The following KLRC1 variants were observed in gnomAD, a reference collection of about 807,000 sequenced individuals.
The protein encoded by KLRC1 is killer cell lectin like receptor C1, also known as NKG2-A/NKG2-B type II integral membrane protein.
KLRC1 carries 22 observed loss-of-function variants against 25.9 expected under a neutral mutation model. That is an observed-to-expected ratio of 0.85 (90% CI 0.61 to 1.21). KLRC1 has a LOEUF of 1.21. Ranked by LOEUF, KLRC1 falls within the 50% of genes most tolerant of loss-of-function variation. The pLI is 0.00. For synonymous variants in KLRC1, 77 were observed against 93.1 expected (o/e 0.83, Z 0.99); for missense variants, 240 against 272.2 (o/e 0.88, Z 0.83).
In KLRC1 at chr12:10,446,510, T is replaced by C; in HGVS notation, c.*41A>G. 3 of 1,561,314 alleles carry C rather than the reference T, an allele frequency of 1.9e-6. No individual in the cohort carries two copies. Among genetic ancestry groups the C allele is most frequent in the East Asian group, 2.3e-5 (1 of 44,342 alleles). ...TAATATATTTCTATTTTAAGAAATA[T>C]ACAATTTATCTGATGCACTGCAAAT... On this transcript the variant is annotated 3_prime_UTR_variant, in exon 7 of 7. Transcript: ENST00000359151.
chr12:10,451,087 G>C lies in KLRC1; in HGVS notation c.70C>G (p.Pro24Ala). ...AAAATGGAGTTTTTATTGCCTTTAGGTTTTCGTTGCTGCCTCTTTGGGTTT... is the reference window on the plus strand; with the variant it reads ...AAAATGGAGTTTTTATTGCCTTTAGCTTTTCGTTGCTGCCTCTTTGGGTTT... ...PPNPKRQQRKPKGNKNSILAT... is the reference protein window; with the variant it reads ...PPNPKRQQRKAKGNKNSILAT... The change falls in exon 2 of 7, where the codon CCT (proline) becomes GCT (alanine). Residue 24 changes from proline to alanine, a missense_variant. Pro to Ala is a conservative substitution (Grantham distance 27, BLOSUM62 -1). Transcript: ENST00000359151. The C allele has an allele frequency of 6.2e-7, 1 of 1,613,916 alleles. No individual in the cohort carries two copies.
chr12:10,450,698 C>G, intron 2 of KLRC1, 119 bp from the exon 3 acceptor site: 1 of 669,730 alleles, frequency 1.5e-6, no homozygotes, highest in Middle Eastern at 2.5e-4. Flanking sequence ...GACCCCAAAC[C>G]CTCATCTCCC....
chr12:10,446,826 C>G (rs144548572), intron 6 of KLRC1, among the ~76,000 whole-genome samples, 164 bp from the exon 7 acceptor site: 13,148 of 152,136 alleles, frequency 0.086, 817 homozygotes, highest in Non-Finnish European at 0.13. Flanking sequence ...CAGAGTAGTC[C>G]CCCTTCATCC....
chr12:10,450,179 T>G (rs1181059200), intron 3 of KLRC1: 1 of 441,416 alleles, frequency 2.3e-6, no homozygotes, highest in African/African-American at 2.1e-5. Context: ...CATATAGTTC[T>G]TATAATTCTT....
intron 5 of KLRC1, among the ~76,000 whole-genome samples, chr12:10,448,583 C>T (rs1864046221): frequency 6.6e-6 from 1 of 152,156 alleles, no homozygotes; most frequent in South Asian, 2.1e-4. Flanking sequence ...CTCTTTGTCC[C>T]TGAGGGCATG....
At chr12:10,445,418 G>C (rs995034301), downstream of KLRC1, among the ~76,000 whole-genome samples, 1 of 152,036 alleles carries the variant, frequency 6.6e-6, no homozygotes, top group Non-Finnish European at 1.5e-5. Context: ...TTATAAAACT[G>C]CTTCGATATG....
intron 3 of KLRC1, 155 bp downstream of exon 3, chr12:10,450,329 T>C: frequency 1.9e-6 from 1 of 532,296 alleles, no homozygotes; most frequent in Non-Finnish European, 3.3e-6. Context: ...TATTCTTTCA[T>C]TTATTCTTTG....
chr12:10,450,864 T>C, intron 2 of KLRC1, 106 bp downstream of exon 2: 1 of 849,224 alleles, frequency 1.2e-6, no homozygotes. Context: ...AATTCTGATC[T>C]TTGCAAATAG....
chr12:10,451,711 G>A (rs1313009098), intron 1 of KLRC1, among the ~76,000 whole-genome samples: 1 of 152,034 alleles, frequency 6.6e-6, no homozygotes, highest in African/African-American at 2.4e-5. Context: ...GGGGCAATGA[G>A]AAGCAATAAA....
At chr12:10,450,322 T>G (rs1286190310) in intron 3 of KLRC1, 162 bp downstream of exon 3, 2 of 527,604 alleles carry the variant, frequency 3.8e-6, no homozygotes, top group Non-Finnish European at 3.3e-6. Flanking sequence ...CAACAATTAT[T>G]CTTTCATTTA....
chr12:10,445,945 A>T (rs1050103467), downstream of KLRC1: 1 of 152,114 alleles, frequency 6.6e-6, no homozygotes, highest in Admixed American at 6.5e-5. Context: ...TATATTGATT[A>T]GAAAAGTCAA....
At chr12:10,448,917 C>T (rs1242071478) in intron 5 of KLRC1, among the ~76,000 whole-genome samples, 1 of 152,152 alleles carries the variant, frequency 6.6e-6, no homozygotes, top group Non-Finnish European at 1.5e-5. Flanking sequence ...TGACTTGTAT[C>T]ACAGGAGTTC....
At chr12:10,450,672 C>A in intron 2 of KLRC1, 93 bp from the exon 3 acceptor site, 1 of 783,436 alleles carries the variant, frequency 1.3e-6, no homozygotes, top group Non-Finnish European at 2.1e-6. Context: ...GCACAGGAAT[C>A]ATACAGAGAA....
downstream of KLRC1, among the ~76,000 whole-genome samples, chr12:10,443,679 G>A (rs1233688199): frequency 7.1e-6 from 1 of 141,054 alleles, no homozygotes; most frequent in Non-Finnish European, 1.5e-5. Flanking sequence ...ACTCACACAC[G>A]TAGAATACTC....
chr12:10,446,761 A>C, intron 6 of KLRC1, 99 bp from the exon 7 acceptor site: 1 of 1,401,274 alleles, frequency 7.1e-7, no homozygotes, highest in African/African-American at 1.5e-5. Context: ...TTTCATGGAA[A>C]AGGGTAATTA....
At position 10,450,964 on chromosome 12, in the gene KLRC1, C is replaced by G. The variant is rs200787410; in HGVS notation, c.187+6G>C. The G allele has an allele frequency of 4.2e-5, 68 of 1,600,476 alleles. No individual in the cohort carries two copies. Among genetic ancestry groups the G allele is most frequent in the Admixed American group, 1.9e-4 (11 of 59,166 alleles). On this transcript the variant is annotated splice_donor_region_variant and intron_variant, in intron 2 of 6. Transcript: ENST00000359151. ...TGTTATATTGAGGATCTTTTAAATG[C>G]TTTACCTTTGCAGTGATAGGTTTTG...
At chr12:10,447,063 T>C (rs11053803) in intron 6 of KLRC1, among the ~76,000 whole-genome samples, 69,944 of 152,064 alleles carry the variant, frequency 0.46, 17,674 homozygotes, top group African/African-American at 0.68. Context: ...AAAAAGTAAG[T>C]GTGGCTTTTT....
chr12:10,448,077 T>C (rs1417432468), intron 5 of KLRC1, among the ~76,000 whole-genome samples: 1 of 152,166 alleles, frequency 6.6e-6, no homozygotes, highest in Non-Finnish European at 1.5e-5. Context: ...CACTTTTTTA[T>C]CTGATTTGGT....
chr12:10,447,309 C>A lies in KLRC1; in HGVS notation c.590+223G>T, dbSNP rs923188152. The A allele has an allele frequency of 5.9e-5, 14 of 236,350 alleles. No individual in the cohort carries two copies. In the Admixed American group the frequency reaches 8.5e-4, roughly 14 times the overall value. 14.6% of individuals were successfully genotyped at this position (236,350 alleles called of 1,614,324 possible). On this transcript the variant is annotated intron_variant, in intron 6 of 6. Transcript: ENST00000359151. ...CTTCTTCCAATGTGGCCCACAGAAG[C>A]CAAAGATTGGACACCTGATAATCAA...
Sources: gnomAD v4.1 joint callset for allele counts (sites outside exome capture counted in the v4.1 genomes callset) on GRCh38, gnomAD v4.1.1 for gene constraint, MANE v1.5 for transcripts, NCBI Gene and HGNC (gene_info 2026-07-23, HGNC 2026-07-21) for gene names.